GLS: variants seen among roughly 807,000 people sequenced by gnomAD.
The protein encoded by GLS is glutaminase, also known as glutaminase kidney isoform, mitochondrial.
GLS carries 36 observed loss-of-function variants against 86.7 expected under a neutral mutation model. The ratio of observed to expected loss-of-function variants is 0.42; its 90% CI spans 0.32 to 0.55. The LOEUF is 0.55. GLS is among the 20% of genes least tolerant of loss of function. The probability of loss-of-function intolerance (pLI) is 0.17; values close to 1 mark genes in which losing one functional copy is unlikely to be tolerated. For synonymous variants in GLS, 317 were observed against 305.9 expected (o/e 1.04, Z -0.38); for missense variants, 528 against 833.4 (o/e 0.63, Z 4.51).
intron 1 of GLS, among the ~76,000 whole-genome samples, chr2:190,889,670 C>T (rs532504920): frequency 3.3e-5 from 5 of 152,188 alleles, no homozygotes; most frequent in African/African-American, 1.2e-4. Flanking sequence ...TTGATCTCCC[C>T]AGATCCTAGT....
chr2:190,937,944 C>G (rs1175625293), intron 14 of GLS, among the ~76,000 whole-genome samples: 4 of 150,404 alleles, frequency 2.7e-5, no homozygotes. Flanking sequence ...TAATCTTGCC[C>G]TCAAAAGGCA....
Position 190,897,068 on chromosome 2 carries a change from G to A in GLS, c.605+1343G>A, listed in dbSNP as rs780305965. 5.9e-5 allele frequency among the ~76,000 whole-genome samples: 9 copies of A among 151,588 alleles called. No homozygotes were observed. The highest frequency in any genetic ancestry group is 1.2e-4 in the African/African-American group (5 of 41,306). On this transcript the variant is annotated intron_variant, in intron 3 of 17. Transcript: ENST00000320717. This position sits in a 1 kb window ranked among gnomAD's most constrained non-coding sequence, Gnocchi z 4.3. The stretch of plus-strand genomic sequence containing the variant: ...TTAAGAGACAGAGTCTCATTCTGTC[G>A]CCCAGGCTGGAGTGTAGTGACATGA...
intron 4 of GLS, among the ~76,000 whole-genome samples, chr2:190,900,922 C>T (rs1184151261): frequency 6.6e-6 from 1 of 152,026 alleles, no homozygotes; most frequent in Non-Finnish European, 1.5e-5. Context: ...TTTTTATTTT[C>T]AGATGATGGT....
rs947164989 is a variant in GLS, at chr2:190,964,119, G to A, written c.*1133G>A. The A allele has an allele frequency of 2.0e-5, 3 of 152,012 alleles. No homozygotes were observed. In the East Asian group the frequency reaches 5.8e-4, roughly 29 times the overall value. 9.4% of individuals were successfully genotyped at this position (152,012 alleles called of 1,614,324 possible). On this transcript the variant is annotated 3_prime_UTR_variant, in exon 18 of 18. Coordinates refer to ENST00000320717, the MANE Select transcript of GLS (RefSeq NM_014905.5). The surrounding 1 kb of genome is among the most constrained non-coding windows in gnomAD (Gnocchi z 5.2). ...TATTGTGTAATTCTTGGTGGGCTCTGTAGTTTAATAATAAGAAAAAGGCCA... is the reference window on the plus strand; with the variant it reads ...TATTGTGTAATTCTTGGTGGGCTCTATAGTTTAATAATAAGAAAAAGGCCA...
rs3732211 is a variant in GLS, at chr2:190,953,597, A to G, written c.1683A>G (p.Ala561=). ...CAGTGATAAATCTTTTGTTTGCTGC[A>G]TATACTGGAGATGTGTCTGCACTTC... ...VKSVINLLFA[A]YTGDVSALRR... is the part of the protein sequence containing the mutation. Residue 561 remains alanine, a synonymous_variant, in exon 15 of 18, where the codon GCA becomes GCG. Coordinates refer to ENST00000320717, the MANE Select transcript of GLS (RefSeq NM_014905.5). This position sits in a 1 kb window ranked among gnomAD's most constrained non-coding sequence, Gnocchi z 4.0. 8 of 1,610,922 alleles carry G rather than the reference A, an allele frequency of 5.0e-6. No individual in the cohort carries two copies. The highest frequency in any genetic ancestry group is 4.0e-5 in the African/African-American group (3 of 74,840).
rs1011888102 is a variant in GLS at position 190,914,827 on chromosome 2, A to G, written c.1038+4506A>G. ...TTGTTAACAGTGTTTTTCACCTGTT[A>G]TAAAGTATAATACATGAATCAATTC... On this transcript the variant is annotated intron_variant, in intron 7 of 17. Transcript: ENST00000320717. The surrounding 1 kb of genome is among the most constrained non-coding windows in gnomAD (Gnocchi z 4.4). Among the ~76,000 whole-genome samples the G allele has an allele frequency of 1.3e-5, 2 of 152,164 alleles. No homozygotes were observed. Among genetic ancestry groups the G allele is most frequent in the Admixed American group, 6.6e-5 (1 of 15,266 alleles).
intron 3 of GLS, among the ~76,000 whole-genome samples, chr2:190,900,215 A>C (rs979105114): frequency 6.6e-6 from 1 of 152,164 alleles, no homozygotes; most frequent in African/African-American, 2.4e-5. Flanking sequence ...TGGCAGTCTG[A>C]ATTTTGTTAA....
intron 17 of GLS, among the ~76,000 whole-genome samples, chr2:190,960,615 G>T (rs1690978843): frequency 6.6e-6 from 1 of 151,830 alleles, no homozygotes; most frequent in African/African-American, 2.4e-5. Flanking sequence ...GGCTCAAGCG[G>T]TCCTCCCATC....
rs768857586 is a variant in GLS at position 190,895,533 on chromosome 2, T to C, written c.484-71T>C. 8.7e-5 allele frequency: 94 copies of C among 1,086,224 alleles called. No individual in the cohort carries two copies. The highest frequency in any genetic ancestry group is 1.2e-4 in the Non-Finnish European group (93 of 751,724). 67.3% of individuals were successfully genotyped at this position (1,086,224 alleles called of 1,614,324 possible). On this transcript the variant is annotated intron_variant, in intron 2 of 17. Transcript: ENST00000320717. This position sits in a 1 kb window ranked among gnomAD's most constrained non-coding sequence, Gnocchi z 4.2. ...GAAGTTTTTATATACAGGAATAAAATCTTATAGTTGGTATAAGCATATACA... is the reference window on the plus strand; with the variant it reads ...GAAGTTTTTATATACAGGAATAAAACCTTATAGTTGGTATAAGCATATACA...
chr2:190,950,607 T>C (rs537061912), intron 14 of GLS, among the ~76,000 whole-genome samples: 26 of 152,216 alleles, frequency 1.7e-4, no homozygotes, highest in African/African-American at 6.3e-4. Context: ...TCAGCACCAC[T>C]GGGTAAAGAA....
chr2:190,881,692 C>A, intron 1 of GLS: 1 of 455,414 alleles, frequency 2.2e-6, no homozygotes, highest in Non-Finnish European at 3.9e-6. Flanking sequence ...CCCTTCTCCG[C>A]CCCCGGCGGG....
Position 190,897,244 on chromosome 2 carries a change from C to A in GLS, c.605+1519C>A, listed in dbSNP as rs919778466. On this transcript the variant is annotated intron_variant, in intron 3 of 17. Transcript: ENST00000320717. The surrounding 1 kb of genome is among the most constrained non-coding windows in gnomAD (Gnocchi z 4.3). Reference sequence around the variant, plus strand: ...TTCACCACGTTGTCCAGGCTGGTCTCGAACTCCTGACCTCAGGTAATCCAT... The same window carrying A: ...TTCACCACGTTGTCCAGGCTGGTCTAGAACTCCTGACCTCAGGTAATCCAT... Among the ~76,000 whole-genome samples the A allele has an allele frequency of 6.6e-6, 1 of 152,042 alleles. No homozygotes were observed. The highest frequency in any genetic ancestry group is 1.5e-5 in the Non-Finnish European group (1 of 68,008).
chr2:190,897,518 T>C lies in GLS; in HGVS notation c.605+1793T>C, dbSNP rs1429543185. ...AGTTTCCAACTTGACAAATGTTTTATGGTCTATATGAGCAACCAGTAGAAA... is the reference window on the plus strand; with the variant it reads ...AGTTTCCAACTTGACAAATGTTTTACGGTCTATATGAGCAACCAGTAGAAA... On this transcript the variant is annotated intron_variant, in intron 3 of 17. Coordinates refer to ENST00000320717, the MANE Select transcript of GLS (RefSeq NM_014905.5). The surrounding 1 kb of genome is among the most constrained non-coding windows in gnomAD (Gnocchi z 4.3). Among the ~76,000 whole-genome samples, 1 of 152,232 alleles carries C rather than the reference T, an allele frequency of 6.6e-6. No homozygotes were observed. The highest frequency in any genetic ancestry group is 6.5e-5 in the Admixed American group (1 of 15,286).
chr2:190,896,349 TC>T, intron 3 of GLS: 2 of 152,230 alleles, frequency 1.3e-5, no homozygotes, highest in Non-Finnish European at 2.9e-5. Context: ...TTAATGTGTT[TC>T]TATTAGTTTG....
chr2:190,887,318 A>G (rs892600308), intron 1 of GLS, among the ~76,000 whole-genome samples: 1 of 152,152 alleles, frequency 6.6e-6, no homozygotes, highest in African/African-American at 2.4e-5. Context: ...CACTGCACTT[A>G]GTGATTTTCT....
chr2:190,910,257 T>G lies in GLS; in HGVS notation c.980-6T>G, dbSNP rs776675383. ...GAAATAATGGTATTGCTTTTATATT[T>G]TACAGATAAACCACATAATCCTATG... On this transcript the variant is annotated splice_region_variant and splice_polypyrimidine_tract_variant and intron_variant, in intron 6 of 17. Transcript: ENST00000320717. The G allele has an allele frequency of 4.1e-6, 6 of 1,467,004 alleles. No individual in the cohort carries two copies. The highest frequency in any genetic ancestry group is 1.2e-5 in the South Asian group (1 of 84,098). 90.9% of individuals were successfully genotyped at this position (1,467,004 alleles called of 1,614,324 possible).
chr2:190,883,593 C>G (rs775730715), intron 1 of GLS, among the ~76,000 whole-genome samples: 1 of 152,202 alleles, frequency 6.6e-6, no homozygotes, highest in African/African-American at 2.4e-5. Context: ...ATTGCTTCTT[C>G]ATTATTGTAA....
intron 6 of GLS, among the ~76,000 whole-genome samples, chr2:190,906,238 T>C (rs1025941942): frequency 5.9e-5 from 9 of 152,198 alleles, no homozygotes; most frequent in Non-Finnish European, 1.2e-4. Flanking sequence ...ACTGTTATTC[T>C]AAAAATACCA....
chr2:190,936,001 A>G (rs1269094033), intron 14 of GLS, among the ~76,000 whole-genome samples: 2 of 151,180 alleles, frequency 1.3e-5, no homozygotes, highest in Non-Finnish European at 3.0e-5. Flanking sequence ...TATATTGTAG[A>G]AGTTTTAAAA....
Sources: allele counts gnomAD v4.1 joint callset (sites outside exome capture counted in the v4.1 genomes callset), GRCh38; gene constraint gnomAD v4.1.1; non-coding constraint Gnocchi (gnomAD v3.1); transcripts MANE v1.5; gene names NCBI Gene and HGNC (gene_info 2026-07-23, HGNC 2026-07-21).